Variants in GTPBP6 observed in about 807,000 individuals in gnomAD.
GTPBP6 encodes the protein putative GTP-binding protein 6.
Under a neutral mutation model 28.9 loss-of-function variants are expected in GTPBP6, and 33 were observed. The observed-to-expected ratio is 1.14, with a 90% CI of 0.87 to 1.53. GTPBP6 has a LOEUF of 1.53. GTPBP6 is among the 40% of genes most tolerant of loss of function. The probability of loss-of-function intolerance (pLI) is 0.00; values close to 1 mark genes in which losing one functional copy is unlikely to be tolerated. For synonymous variants in GTPBP6, 231 were observed against 192.7 expected (o/e 1.20, Z -1.65); for missense variants, 507 against 408.3 (o/e 1.24, Z -2.08).
chrX:312,788 G>A (rs766219221), exon 6 of GTPBP6: 136 of 1,612,354 alleles, frequency 8.4e-5, no homozygotes, highest in African/African-American at 4.5e-4. Context: ...ACCCCACCAC[G>A]GAGATCACGG....
chrX:305,811 A>G (rs2070150088), intron 9 of GTPBP6, among the ~76,000 whole-genome samples: 1 of 151,384 alleles, frequency 6.6e-6, no homozygotes, highest in Non-Finnish European at 1.5e-5. Flanking sequence ...TTTTTATTAG[A>G]GACGGGGTTT....
At chrX:315,624 G>A (rs1365986195) in intron 2 of GTPBP6, among the ~76,000 whole-genome samples, 1 of 15,286 alleles carries the variant, frequency 6.5e-5, no homozygotes, top group Non-Finnish European at 1.7e-4. Context: ...CAGACACACA[G>A]ACAGACACAC....
chrX:318,043 G>A (rs1344001418), intron 1 of GTPBP6, among the ~76,000 whole-genome samples: 5 of 128,796 alleles, frequency 3.9e-5, no homozygotes, highest in African/African-American at 8.8e-5. Flanking sequence ...TCTCCTTAGA[G>A]CCTGGCCCCC....
rs1452970037 is a variant in GTPBP6 at position 307,717 on chromosome X, C to T, written c.1274+15G>A. The T allele has an allele frequency of 3.4e-6, 5 of 1,466,220 alleles. No homozygotes were observed. Among genetic ancestry groups the T allele is most frequent in the Non-Finnish European group, 4.5e-6 (5 of 1,107,676 alleles). The allele number at this position is 1,466,220 out of a possible 1,614,324, so 90.8% of individuals were successfully genotyped here. ...AGGGGAAGGAGACGCTTGCGGACCC[C>T]AGGGCCGGACTCACCCGGGCACGAG... On this transcript the variant is annotated intron_variant, in intron 8 of 9. Transcript: ENST00000326153.
At chrX:311,479 G>T in exon 7 of GTPBP6, 1 of 1,601,262 alleles carries the variant, frequency 6.2e-7, no homozygotes, top group Non-Finnish European at 8.5e-7. Flanking sequence ...GCGGCAGCTG[G>T]GAGAGGAAGC....
chrX:317,334 AG>A (rs1484809972), intron 1 of GTPBP6, among the ~76,000 whole-genome samples: 9,194 of 152,014 alleles, frequency 0.06, 697 homozygotes, highest in African/African-American at 0.18. Flanking sequence ...GCGGGTGCTC[AG>A]GGGATTACTG....
At chrX:305,146 G>A (rs774814352) in exon 10 of GTPBP6, 24 of 1,613,484 alleles carry the variant, frequency 1.5e-5, no homozygotes, top group Middle Eastern at 1.6e-4. Context: ...CGGCCGCCCC[G>A]TCCTCAGGGA....
chrX:312,628 C>T (rs1305075485), intron 6 of GTPBP6, 138 bp downstream of exon 6: 3 of 893,116 alleles, frequency 3.4e-6, no homozygotes, highest in African/African-American at 1.6e-5. Context: ...CCATGGGAAC[C>T]CCCTCTCCTG....
chrX:313,608 A>G (rs2070359806), intron 5 of GTPBP6, among the ~76,000 whole-genome samples: 1 of 152,162 alleles, frequency 6.6e-6, no homozygotes, highest in African/African-American at 2.4e-5. Context: ...GTATCTAGAG[A>G]TGCGACGATT....
chrX:314,838 G>T, intron 4 of GTPBP6, 52 bp downstream of exon 4: 1 of 400,228 alleles, frequency 2.5e-6, no homozygotes. Flanking sequence ...CAGAACGGAG[G>T]GGTTCCGGGA....
At chrX:307,689 T>C in intron 8 of GTPBP6, 43 bp downstream of exon 8, 1 of 1,456,258 alleles carries the variant, frequency 6.9e-7, no homozygotes, top group Admixed American at 2.7e-5. Context: ...CTCCAGCGCG[T>C]GCAGGGGAAG....
intron 2 of GTPBP6, among the ~76,000 whole-genome samples, chrX:316,501 G>C (rs1467054456): frequency 6.6e-6 from 1 of 152,168 alleles, no homozygotes; most frequent in African/African-American, 2.4e-5. Context: ...TACTGGAAGC[G>C]GGATGGTCAG....
exon 10 of GTPBP6, chrX:305,072 G>C (rs745640563): frequency 6.2e-7 from 1 of 1,612,558 alleles, no homozygotes; most frequent in East Asian, 2.2e-5. Context: ...GTGGGCGTCC[G>C]TTCATCCTGG....
chrX:313,664 G>C (rs1467217424), intron 5 of GTPBP6, among the ~76,000 whole-genome samples: 1 of 152,090 alleles, frequency 6.6e-6, no homozygotes, highest in Non-Finnish European at 1.5e-5. Context: ...GTCCTTGTAA[G>C]AGACAGAAGA....
chrX:306,213 C>T (rs1263733585), intron 9 of GTPBP6, among the ~76,000 whole-genome samples: 1 of 151,820 alleles, frequency 6.6e-6, no homozygotes, highest in East Asian at 1.9e-4. Context: ...TACATTTTGA[C>T]TGTCAAGCGC....
intron 1 of GTPBP6, among the ~76,000 whole-genome samples, chrX:317,595 G>A (rs1327836901): frequency 1.3e-5 from 2 of 150,828 alleles, no homozygotes; most frequent in Non-Finnish European, 2.9e-5. Context: ...TTGGTCCGCT[G>A]GACGCCCTCC....
At chrX:307,754 T>G (rs1289187283) in exon 8 of GTPBP6, 1 of 1,508,028 alleles carries the variant, frequency 6.6e-7, no homozygotes, top group Non-Finnish European at 8.9e-7. Context: ...TCCACCTTGT[T>G]GTGAACCTCC....
chrX:305,629 T>A (rs1332024959), intron 9 of GTPBP6, among the ~76,000 whole-genome samples: 2 of 115,782 alleles, frequency 1.7e-5, no homozygotes, highest in African/African-American at 7.7e-5. Context: ...CTTTTTATTT[T>A]TTATTTTTTT....
chrX:310,357 C>A (rs2070260216), intron 7 of GTPBP6, among the ~76,000 whole-genome samples: 1 of 131,456 alleles, frequency 7.6e-6, no homozygotes, highest in Non-Finnish European at 1.5e-5. Context: ...CCCAGGGACG[C>A]CTGGAGCCCC....
Sources: allele counts gnomAD v4.1 joint callset (sites outside exome capture counted in the v4.1 genomes callset), GRCh38; gene constraint gnomAD v4.1.1; transcripts MANE v1.5; gene names NCBI Gene and HGNC (gene_info 2026-07-23, HGNC 2026-07-21).